Variants in KCNIP4 observed in about 807,000 individuals in gnomAD.
KCNIP4 encodes the protein potassium voltage-gated channel interacting protein 4.
A neutral mutation model predicts 34.0 loss-of-function variants in KCNIP4; 12 were observed. That is an observed-to-expected ratio of 0.35 (90% CI 0.23 to 0.57). KCNIP4 has a LOEUF of 0.57. KCNIP4 is among the 20% of genes least tolerant of loss of function. The pLI, the probability that KCNIP4 is intolerant of heterozygous loss-of-function variation, is 0.83. For missense variants in KCNIP4, 238 were observed against 311.7 expected, an observed-to-expected ratio of 0.76 and a Z score of 1.78; for synonymous variants, 124 against 102.2, an observed-to-expected ratio of 1.21 and a Z score of -1.29.
At chr4:21,643,314 G>C (rs1318758543) in intron 1 of KCNIP4, among the ~76,000 whole-genome samples, 1 of 152,262 alleles carries the variant, frequency 6.6e-6, no homozygotes, top group Non-Finnish European at 1.5e-5. Flanking sequence ...TCATCAAAAA[G>C]ACTTTCAAGG....
At chr4:21,906,694 T>C (rs757463983) in intron 1 of KCNIP4, among the ~76,000 whole-genome samples, 15 of 152,078 alleles carry the variant, frequency 9.9e-5, no homozygotes, top group African/African-American at 3.6e-4. Flanking sequence ...CTGTACCAAT[T>C]AATGCATGTA....
chr4:21,266,253 A>C (rs1378020655), intron 1 of KCNIP4, among the ~76,000 whole-genome samples: 2 of 152,292 alleles, frequency 1.3e-5, no homozygotes, highest in East Asian at 3.9e-4. Context: ...CGAAGCGTAC[A>C]ATGGAGAGTA....
chr4:20,750,658 T>C (rs184672355), intron 4 of KCNIP4, among the ~76,000 whole-genome samples: 257 of 152,314 alleles, frequency 1.7e-3, no homozygotes, highest in African/African-American at 5.0e-3. Context: ...TTTTTCCTTA[T>C]TGTTTTCTGT....
At chr4:21,361,674 GT>G (rs34497644) in intron 1 of KCNIP4, among the ~76,000 whole-genome samples, 26 of 143,526 alleles carry the variant, frequency 1.8e-4, no homozygotes, top group Middle Eastern at 3.7e-3. Flanking sequence ...CTCTCAGATT[GT>G]TTTTTTTTTC....
chr4:21,291,873 AAGAAAGAAAGAAAGAAAG>A (rs1763516167), intron 1 of KCNIP4, among the ~76,000 whole-genome samples: 1 of 18,152 alleles, frequency 5.5e-5, no homozygotes, highest in African/African-American at 2.6e-4. Context: ...AAAAAAAAGA[AAGAAAGAAAGAAAGAAAG>A]AAAGAAAGAA....
chr4:20,793,047 T>C (rs573599754), intron 3 of KCNIP4, among the ~76,000 whole-genome samples: 57 of 152,318 alleles, frequency 3.7e-4, no homozygotes, highest in Non-Finnish European at 2.5e-4. Context: ...AACCCTGTGA[T>C]TTAGACATTG....
chr4:21,760,312 C>A (rs1382094310), intron 1 of KCNIP4, among the ~76,000 whole-genome samples: 1 of 151,942 alleles, frequency 6.6e-6, no homozygotes, highest in Admixed American at 6.6e-5. Context: ...AGCATGTCAG[C>A]ACAAGAAAAA....
intron 1 of KCNIP4, among the ~76,000 whole-genome samples, chr4:21,303,130 T>C (rs1711940181): frequency 1.3e-5 from 2 of 152,178 alleles, no homozygotes; most frequent in Non-Finnish European, 2.9e-5. Context: ...CAAAATGTAT[T>C]GTTTAAACAA....
chr4:21,488,410 T>C (rs1450598743), intron 1 of KCNIP4, among the ~76,000 whole-genome samples: 1 of 152,156 alleles, frequency 6.6e-6, no homozygotes, highest in Non-Finnish European at 1.5e-5. Flanking sequence ...ATTTTTAAAT[T>C]ATTTCCAAAC....
chr4:21,200,245 A>C (rs1258507236), intron 1 of KCNIP4, among the ~76,000 whole-genome samples: 1 of 151,600 alleles, frequency 6.6e-6, no homozygotes, highest in East Asian at 1.9e-4. Flanking sequence ...AATTGCAAAG[A>C]TAAGGAATCA....
At chr4:21,658,443 T>C (rs747079382) in intron 1 of KCNIP4, among the ~76,000 whole-genome samples, 1 of 152,018 alleles carries the variant, frequency 6.6e-6, no homozygotes, top group Non-Finnish European at 1.5e-5. Context: ...TGAGACTGAG[T>C]CTCACTGTAT....
chr4:21,183,695 T>TC (rs1264014099), intron 1 of KCNIP4, among the ~76,000 whole-genome samples: 6 of 151,942 alleles, frequency 3.9e-5, no homozygotes, highest in East Asian at 1.9e-4. Context: ...ATCTCATTGT[T>TC]CCCCCCCATT....
rs553302928 is a variant in KCNIP4, at chr4:20,961,119, C to T, written c.62-78410G>A. 4.6e-5 allele frequency among the ~76,000 whole-genome samples: 7 copies of T among 152,040 alleles called. No individual in the cohort carries two copies. The South Asian group carries it at 1.5e-3, about 32-fold the overall frequency. ...AATTTCTTGGACAAAAACAAAAGGCCTAAGGAAAAGGAAAATAGAACTTAA... is the reference window on the plus strand; with the variant it reads ...AATTTCTTGGACAAAAACAAAAGGCTTAAGGAAAAGGAAAATAGAACTTAA... On this transcript the variant is annotated intron_variant, in intron 1 of 8. Coordinates refer to ENST00000382152, the MANE Select transcript of KCNIP4 (RefSeq NM_025221.6).
intron 1 of KCNIP4, among the ~76,000 whole-genome samples, chr4:21,552,259 A>G (rs12645359): frequency 0.41 from 62,101 of 151,864 alleles, 12,992 homozygotes; most frequent in South Asian, 0.53. Context: ...CTTTCAGTTC[A>G]ACCTACAGAC....
intron 1 of KCNIP4, among the ~76,000 whole-genome samples, chr4:20,990,220 A>G (rs1736969090): frequency 6.6e-6 from 1 of 152,176 alleles, no homozygotes; most frequent in African/African-American, 2.4e-5. Flanking sequence ...TCACCTCCAC[A>G]TTAAAGTATA....
intron 1 of KCNIP4, among the ~76,000 whole-genome samples, chr4:21,152,582 G>A (rs904576799): frequency 1.3e-5 from 2 of 151,046 alleles, no homozygotes; most frequent in Non-Finnish European, 2.9e-5. Context: ...AGGCTTGTCT[G>A]CAGTTTGTTT....
chr4:21,632,485 A>C (rs1745836430), intron 1 of KCNIP4, among the ~76,000 whole-genome samples: 1 of 152,178 alleles, frequency 6.6e-6, no homozygotes, highest in African/African-American at 2.4e-5. Context: ...TTGGCCTCAC[A>C]AATTGCTGGG....
At chr4:21,799,084 A>T (rs1720833493) in intron 1 of KCNIP4, among the ~76,000 whole-genome samples, 1 of 152,192 alleles carries the variant, frequency 6.6e-6, no homozygotes, top group Non-Finnish European at 1.5e-5. Context: ...TCTTGAAAGT[A>T]TGAGCATACT....
intron 1 of KCNIP4, among the ~76,000 whole-genome samples, chr4:21,408,633 TCTTTTAGA>T (rs1310554411): frequency 2.0e-5 from 3 of 152,220 alleles, no homozygotes; most frequent in Non-Finnish European, 4.4e-5. Flanking sequence ...ATTTAATTAA[TCTTTTAGA>T]CTTTTTTTGA....
Sources: allele counts gnomAD v4.1 joint callset (sites outside exome capture counted in the v4.1 genomes callset), GRCh38; gene constraint gnomAD v4.1.1; transcripts MANE v1.5; gene names NCBI Gene and HGNC (gene_info 2026-07-23, HGNC 2026-07-21).